The following ZNF438 variants were observed in gnomAD, a reference collection of about 807,000 sequenced individuals.
ZNF438 encodes zinc finger protein 438.
ZNF438 carries 25 observed loss-of-function variants against 38.0 expected under a neutral mutation model. That is an observed-to-expected ratio of 0.66 (90% CI 0.48 to 0.92). The LOEUF (loss-of-function observed/expected upper bound fraction) is 0.92. ZNF438 is among the 40% of genes least tolerant of loss of function. The pLI is 0.00. For synonymous variants in ZNF438, 372 were observed against 364.1 expected (o/e 1.02, Z -0.25); for missense variants, 1,007 against 999.6 (o/e 1.01, Z -0.10).
intron 1 of ZNF438, among the ~76,000 whole-genome samples, chr10:30,967,534 A>C (rs1454785137): frequency 6.6e-6 from 1 of 152,228 alleles, no homozygotes; most frequent in Non-Finnish European, 1.5e-5. Flanking sequence ...ATAGGGTTTC[A>C]TTCAACCAGA....
At chr10:30,948,544 G>T (rs1442937548) in intron 1 of ZNF438, among the ~76,000 whole-genome samples, 1 of 151,774 alleles carries the variant, frequency 6.6e-6, no homozygotes, top group East Asian at 1.9e-4. Flanking sequence ...CCAATACAGA[G>T]AAGTGCTTAA....
intron 3 of ZNF438, among the ~76,000 whole-genome samples, chr10:30,906,163 T>C (rs916896410): frequency 6.6e-6 from 1 of 152,228 alleles, no homozygotes; most frequent in Non-Finnish European, 1.5e-5. Context: ...TATTACTATC[T>C]TAACAATGTG....
intron 4 of ZNF438, among the ~76,000 whole-genome samples, chr10:30,852,434 C>G (rs1480968679): frequency 3.9e-5 from 6 of 152,140 alleles, no homozygotes; most frequent in Admixed American, 2.6e-4. Context: ...TCTCGAACTC[C>G]CGACCTCAGG....
At chr10:30,890,798 A>T (rs551101145) in intron 3 of ZNF438, among the ~76,000 whole-genome samples, 2 of 152,362 alleles carry the variant, frequency 1.3e-5, no homozygotes, top group East Asian at 3.9e-4. Context: ...TCCAGCATTT[A>T]GACCTCCATT....
At chr10:30,980,074 G>T (rs1349600214) in intron 1 of ZNF438, among the ~76,000 whole-genome samples, 1 of 152,080 alleles carries the variant, frequency 6.6e-6, no homozygotes, top group African/African-American at 2.4e-5. Flanking sequence ...AAATGGACTT[G>T]GGAGTATCTA....
At chr10:30,863,460 G>T (rs1241239125) in intron 4 of ZNF438, among the ~76,000 whole-genome samples, 1 of 152,206 alleles carries the variant, frequency 6.6e-6, no homozygotes, top group Non-Finnish European at 1.5e-5. Context: ...TACCAAGAGT[G>T]AAGGCGGCAG....
At chr10:31,023,942 T>C (rs1207036264) in intron 1 of ZNF438, among the ~76,000 whole-genome samples, 1 of 152,242 alleles carries the variant, frequency 6.6e-6, no homozygotes, top group East Asian at 1.9e-4. Context: ...TTTAAAGGAC[T>C]GTCTTCTGCA....
chr10:30,956,660 T>A (rs1390206577), intron 1 of ZNF438, among the ~76,000 whole-genome samples: 1 of 152,208 alleles, frequency 6.6e-6, no homozygotes, highest in East Asian at 1.9e-4. Context: ...GCCTGGCTTA[T>A]TTCACTTAAT....
At chr10:30,908,808 T>C (rs1450837104) in intron 3 of ZNF438, 125 bp downstream of exon 4, 1 of 152,228 alleles carries the variant, frequency 6.6e-6, no homozygotes, top group Non-Finnish European at 1.5e-5. Context: ...ATTAAGAAAC[T>C]TCTCTTACAA....
At chr10:30,929,338 G>A (rs1231495290) in intron 2 of ZNF438, among the ~76,000 whole-genome samples, 1 of 152,168 alleles carries the variant, frequency 6.6e-6, no homozygotes, top group Non-Finnish European at 1.5e-5. Context: ...TCCTTCTGGT[G>A]GGTTCGTGGT....
chr10:30,967,102 G>A (rs147658628), intron 1 of ZNF438, among the ~76,000 whole-genome samples: 1 of 152,248 alleles, frequency 6.6e-6, no homozygotes, highest in African/African-American at 2.4e-5. Flanking sequence ...AGGCAGCATT[G>A]GCAAAAGTAC....
At chr10:30,930,848 T>C (rs1410735952) in intron 2 of ZNF438, among the ~76,000 whole-genome samples, 1 of 89,134 alleles carries the variant, frequency 1.1e-5, no homozygotes, top group African/African-American at 4.5e-5. Context: ...AATGGTTCTT[T>C]CCTAAAACCA....
chr10:30,993,071 G>T (rs1376019221), intron 1 of ZNF438, among the ~76,000 whole-genome samples: 2 of 152,234 alleles, frequency 1.3e-5, no homozygotes, highest in Non-Finnish European at 2.9e-5. Flanking sequence ...AAAGTGGAAA[G>T]ATTTGGAAAA....
chr10:30,970,129 C>CAG (rs1182720392), intron 1 of ZNF438, among the ~76,000 whole-genome samples: 141 of 151,656 alleles, frequency 9.3e-4, no homozygotes, highest in African/African-American at 3.2e-3. Flanking sequence ...CACACACACA[C>CAG]ACACACACAC....
At chr10:30,984,036 G>A (rs1017194201) in intron 1 of ZNF438, among the ~76,000 whole-genome samples, 18 of 151,828 alleles carry the variant, frequency 1.2e-4, no homozygotes, top group Non-Finnish European at 2.5e-4. Flanking sequence ...TAGTTCCTAG[G>A]TATAACCCAG....
intron 1 of ZNF438, among the ~76,000 whole-genome samples, chr10:30,986,827 C>T (rs1211259594): frequency 1.3e-5 from 2 of 152,178 alleles, no homozygotes; most frequent in South Asian, 4.1e-4. Flanking sequence ...ATCAGAGATG[C>T]TCAATCTGTA....
intron 4 of ZNF438, 81 bp downstream of exon 5, chr10:30,876,917 G>C (rs2038514305): frequency 9.6e-7 from 1 of 1,038,070 alleles, no homozygotes; most frequent in African/African-American, 1.6e-5. Flanking sequence ...GTTACCTTAT[G>C]ATTAGAGGTC....
intron 4 of ZNF438, among the ~76,000 whole-genome samples, chr10:30,861,559 T>C (rs1281316813): frequency 2.0e-5 from 3 of 152,222 alleles, no homozygotes; most frequent in Admixed American, 6.5e-5. Flanking sequence ...CTAATTATTC[T>C]TTCAGGGCCA....
intron 3 of ZNF438, among the ~76,000 whole-genome samples, chr10:30,878,706 A>G (rs1176562194): frequency 6.6e-6 from 1 of 152,164 alleles, no homozygotes; most frequent in Non-Finnish European, 1.5e-5. Context: ...AGGGCATTGT[A>G]GCATGCCCTC....
Sources: gnomAD v4.1 joint callset for allele counts (sites outside exome capture counted in the v4.1 genomes callset) on GRCh38, gnomAD v4.1.1 for gene constraint, MANE v1.5 for transcripts, NCBI Gene and HGNC (gene_info 2026-07-23, HGNC 2026-07-21) for gene names.